The following GRK1 variants were observed in gnomAD, a reference collection of about 807,000 sequenced individuals.
GRK1 encodes the protein rhodopsin kinase GRK1.
In GRK1, 28 loss-of-function variants were observed where a neutral mutation model predicts 41.7. The observed-to-expected ratio is 0.67, with a 90% CI of 0.50 to 0.92. GRK1 has a LOEUF of 0.92. Among genes scored for constraint, GRK1 ranks in the 40% least tolerant of loss-of-function variants. The pLI is 0.00. For synonymous variants in GRK1, 327 were observed against 286.7 expected, an observed-to-expected ratio of 1.14 and a Z score of -1.42; for missense variants, 703 against 671.2, an observed-to-expected ratio of 1.05 and a Z score of -0.52.
chr13:113,660,695 A>T, the GRK1 span, among the ~76,000 whole-genome samples: 39 of 152,368 alleles, frequency 2.6e-4, no homozygotes, highest in African/African-American at 8.9e-4. Flanking sequence ...CTAAAAAATT[A>T]AAAAATTCTA....
At position 113,729,515 on chromosome 13, in the gene GRK1, G is replaced by A. The variant is rs543255045; in HGVS notation, c.1070-1704G>A. ...CTCAAAGGAGGGTGTGAGCGGCAGC[G>A]TCATGGCAGCTGGAAGACTGATGAT... On this transcript the variant is annotated intron_variant, in intron 4 of 6. Transcript: ENST00000335678. Among the ~76,000 whole-genome samples, 6 of 152,336 alleles carry A rather than the reference G, an allele frequency of 3.9e-5. No individual in the cohort carries two copies. The East Asian group carries it at 5.8e-4, about 15-fold the overall frequency.
the GRK1 span, chr13:113,651,762 A>G: frequency 1.2e-6 from 2 of 1,606,624 alleles, no homozygotes; most frequent in South Asian, 1.1e-5. Context: ...GCCGCTCCCC[A>G]CCCCCACCGC....
At chr13:113,662,315 A>C (rs1480764838), upstream of GRK1, among the ~76,000 whole-genome samples, 2 of 152,250 alleles carry the variant, frequency 1.3e-5, no homozygotes, top group Non-Finnish European at 2.9e-5. Flanking sequence ...AAGCCTGTTC[A>C]ACTTGATTAA....
chr13:113,655,600 T>TG, the GRK1 span, among the ~76,000 whole-genome samples: 1 of 152,224 alleles, frequency 6.6e-6, no homozygotes, highest in South Asian at 2.1e-4. Flanking sequence ...GGGCGGCTCC[T>TG]GGACACAGGC....
At chr13:113,733,991 T>TGTGTGC (rs879290691) in intron 6 of GRK1, among the ~76,000 whole-genome samples, 7,339 of 140,280 alleles carry the variant, frequency 0.052, 305 homozygotes, top group Middle Eastern at 0.078. Flanking sequence ...TGTGTGTGCA[T>TGTGTGC]ACATGTGTGT....
chr13:113,654,731 C>T, the GRK1 span: 20 of 1,511,606 alleles, frequency 1.3e-5, no homozygotes, highest in East Asian at 7.3e-5. Flanking sequence ...GGGGAGGGCA[C>T]GGGTCCCCCG....
chr13:113,732,699 C>T (rs758435881), intron 5 of GRK1, among the ~76,000 whole-genome samples, 185 bp from the exon 6 acceptor site: 10 of 152,200 alleles, frequency 6.6e-5, no homozygotes, highest in Non-Finnish European at 1.0e-4. Context: ...CTGGGAGCTT[C>T]GCCTTTAGGA....
At chr13:113,669,920 C>A in intron 2 of GRK1, 106 bp downstream of exon 2, 1 of 1,405,260 alleles carries the variant, frequency 7.1e-7, no homozygotes, top group South Asian at 1.3e-5. Flanking sequence ...GGCCCCAGGC[C>A]TGCCCTCGAG....
At chr13:113,725,015 C>T (rs1244334040) in intron 4 of GRK1, among the ~76,000 whole-genome samples, 1 of 152,252 alleles carries the variant, frequency 6.6e-6, no homozygotes, top group Non-Finnish European at 1.5e-5. Context: ...TCGCCGGCGC[C>T]CGTTCCTCGG....
the GRK1 span, chr13:113,653,257 C>A: frequency 6.6e-7 from 1 of 1,511,092 alleles, no homozygotes; most frequent in South Asian, 1.2e-5. Context: ...ACACCTCACC[C>A]ACCCGCCGCT....
chr13:113,671,755 G>A lies in GRK1; in HGVS notation c.985+99G>A. On this transcript the variant is annotated intron_variant, in intron 3 of 6. Coordinates refer to ENST00000335678, the MANE Select transcript of GRK1 (RefSeq NM_002929.3). This position sits in a 1 kb window ranked among gnomAD's most constrained non-coding sequence, Gnocchi z 4.1. ...CACAACCTCACGAGGGCTGACGGCT[G>A]TGTGGACGGTGGGGGTTCATGAGGG... The A allele has an allele frequency of 1.5e-6, 1 of 687,932 alleles. No homozygotes were observed. Among genetic ancestry groups the A allele is most frequent in the East Asian group, 2.7e-5 (1 of 36,964 alleles). 42.6% of individuals were successfully genotyped at this position (687,932 alleles called of 1,614,324 possible). A position where few individuals can be genotyped will look rare whatever the true frequency, so the allele number is the denominator to read the frequency against.
At chr13:113,723,026 G>A (rs1191929320) in intron 3 of GRK1, 48 bp from the exon 4 acceptor site, 11 of 684,650 alleles carry the variant, frequency 1.6e-5, no homozygotes, top group Non-Finnish European at 2.1e-5. Context: ...NNNNNCTCCC[G>A]GCGCCTGTCC....
At chr13:113,670,894 G>A (rs1048372426) in intron 2 of GRK1, among the ~76,000 whole-genome samples, 12 of 152,202 alleles carry the variant, frequency 7.9e-5, no homozygotes, top group Non-Finnish European at 5.9e-5. Flanking sequence ...GGTCACAGGG[G>A]TGCCCAGGGA....
Position 113,669,894 on chromosome 13 carries a change from C to T in GRK1, c.827+80C>T, listed in dbSNP as rs574632826. ...TTTCCAGGGCCCGGGCTCCTTTCCA[C>T]AGGCAGAGCCATGGTGGCCCCAGGC... On this transcript the variant is annotated intron_variant, in intron 2 of 6. Transcript: ENST00000335678. 4 of 1,550,724 alleles carry T rather than the reference C, an allele frequency of 2.6e-6. No individual in the cohort carries two copies. In the African/African-American group the frequency reaches 4.1e-5, roughly 16 times the overall value.
chr13:113,651,110 G>A, the GRK1 span, among the ~76,000 whole-genome samples: 1 of 152,062 alleles, frequency 6.6e-6, no homozygotes, highest in South Asian at 2.1e-4. Flanking sequence ...CTAGTGGGAA[G>A]GCTCCACGCG....
In GRK1 at chr13:113,667,370, G is replaced by C. The variant is rs140120702; in HGVS notation, c.-17G>C. ...GCTGATGGGCCCTCACGCCTGAAGC[G>C]GGCAGGAAGCTCCGGGATGGATTTC... On this transcript the variant is annotated 5_prime_UTR_variant, in exon 1 of 7. Coordinates refer to ENST00000335678, the MANE Select transcript of GRK1 (RefSeq NM_002929.3). The surrounding 1 kb of genome is among the most constrained non-coding windows in gnomAD (Gnocchi z 7.5). 1 of 1,533,138 alleles carries C rather than the reference G, an allele frequency of 6.5e-7. No homozygotes were observed. Among genetic ancestry groups the C allele is most frequent in the Admixed American group, 1.9e-5 (1 of 51,416 alleles). The allele number at this position is 1,533,138 out of a possible 1,614,324, so 95.0% of individuals were successfully genotyped here. A position where few individuals can be genotyped will look rare whatever the true frequency, so the allele number is the denominator to read the frequency against.
the GRK1 span, chr13:113,652,786 G>A: frequency 1.0e-5 from 15 of 1,484,464 alleles, no homozygotes; most frequent in Admixed American, 7.5e-5. Context: ...CCCCAGACAG[G>A]ACACCTGTGC....
rs757877082 is a variant in GRK1 at position 113,669,808 on chromosome 13, A to T, written c.821A>T (p.Asp274Val). ...CLVMTIMNGG[D>V]IRYHIYNVNE... is the part of the protein sequence containing the mutation. ...GTGATGACCATCATGAACGGAGGTG[A>T]CATCAGGTAAGGGCTGGGCCAGAGG... The change falls in exon 2 of 7, where the codon GAC (aspartate) becomes GTC (valine). Residue 274 changes from aspartate (D) to valine (V), a missense_variant. Coordinates refer to ENST00000335678, the MANE Select transcript of GRK1 (RefSeq NM_002929.3). The T allele has an allele frequency of 6.2e-7, 1 of 1,613,886 alleles. No homozygotes were observed. Among genetic ancestry groups the T allele is most frequent in the South Asian group, 1.1e-5 (1 of 91,082 alleles).
intron 6 of GRK1, among the ~76,000 whole-genome samples, chr13:113,733,463 G>A (rs1206136629): frequency 1.3e-5 from 2 of 152,290 alleles, no homozygotes; most frequent in South Asian, 2.1e-4. Context: ...TGCTTGACAA[G>A]TGGATGCGGA....
Sources: gnomAD v4.1 joint callset for allele counts (sites outside exome capture counted in the v4.1 genomes callset) on GRCh38, gnomAD v4.1.1 for gene constraint, Gnocchi (gnomAD v3.1) non-coding constraint, MANE v1.5 for transcripts, NCBI Gene and HGNC (gene_info 2026-07-23, HGNC 2026-07-21) for gene names.